Variants in RIC1 observed in about 807,000 individuals in gnomAD.
The protein encoded by RIC1 is guanine nucleotide exchange factor subunit RIC1.
In RIC1, 88 loss-of-function variants were observed where a neutral mutation model predicts 169.0. That is an observed-to-expected ratio of 0.52 (90% confidence interval 0.44 to 0.62). RIC1 has a LOEUF of 0.62. Ranked by LOEUF, RIC1 falls within the 20% of genes least tolerant of loss-of-function variation. The probability of loss-of-function intolerance (pLI) is 0.00; values close to 1 mark genes in which losing one functional copy is unlikely to be tolerated. For missense variants in RIC1, 1,877 were observed against 1,725.5 expected, an observed-to-expected ratio of 1.09 and a Z score of -1.56; for synonymous variants, 790 against 601.5, an observed-to-expected ratio of 1.31 and a Z score of -4.59.
At chr9:5,759,625 G>A (rs2131075223) in intron 17 of RIC1, among the ~76,000 whole-genome samples, 1 of 152,314 alleles carries the variant, frequency 6.6e-6, no homozygotes, top group East Asian at 1.9e-4. Context: ...TACTAATGGA[G>A]AGAGAAAGTA....
chr9:5,690,936 A>C (rs1821557492), intron 3 of RIC1, among the ~76,000 whole-genome samples: 1 of 151,930 alleles, frequency 6.6e-6, no homozygotes, highest in Non-Finnish European at 1.5e-5. Context: ...TAACCCAAAT[A>C]AAATAAACGT....
At chr9:5,640,027 A>G (rs201310296) in intron 1 of RIC1, among the ~76,000 whole-genome samples, 1 of 151,376 alleles carries the variant, frequency 6.6e-6, no homozygotes, top group East Asian at 1.9e-4. Context: ...CCATTCACCC[A>G]CTCTCTGTCT....
At chr9:5,704,122 A>G (rs1475929697) in intron 3 of RIC1, among the ~76,000 whole-genome samples, 3 of 152,146 alleles carry the variant, frequency 2.0e-5, no homozygotes, top group African/African-American at 7.2e-5. Context: ...TATTTCCCTA[A>G]TGATTAATGA....
At chr9:5,709,870 C>T (rs1189793994) in intron 3 of RIC1, among the ~76,000 whole-genome samples, 2 of 152,096 alleles carry the variant, frequency 1.3e-5, no homozygotes, top group East Asian at 1.9e-4. Context: ...TTAGAATTTA[C>T]TTAAATTTGC....
At chr9:5,658,837 A>T (rs1184342861) in intron 2 of RIC1, among the ~76,000 whole-genome samples, 1 of 143,876 alleles carries the variant, frequency 7.0e-6, no homozygotes, top group Non-Finnish European at 1.5e-5. Flanking sequence ...TTTTTTTTTT[A>T]CCGAGACTGA....
chr9:5,716,548 G>C (rs1408463565), intron 4 of RIC1, among the ~76,000 whole-genome samples: 1 of 152,204 alleles, frequency 6.6e-6, no homozygotes, highest in Non-Finnish European at 1.5e-5. Flanking sequence ...GGGAGGCAGA[G>C]GTTGCAGTGA....
intron 12 of RIC1, 49 bp downstream of exon 12, chr9:5,747,554 T>G: frequency 6.9e-7 from 1 of 1,456,584 alleles, no homozygotes; most frequent in Non-Finnish European, 9.6e-7. Flanking sequence ...TGATAGGATA[T>G]CACCTGGAAC....
At position 5,720,591 on chromosome 9, in the gene RIC1, C is replaced by T. The variant is rs201775822; in HGVS notation, c.584-23C>T. On this transcript the variant is annotated intron_variant, in intron 5 of 25. Coordinates refer to ENST00000414202, the MANE Select transcript of RIC1 (RefSeq NM_020829.4). ...ATTTATTATATTCTTAATCCTATTTCATGTGCTTATTTTTTTCATCAGTAG... is the reference window on the plus strand; with the variant it reads ...ATTTATTATATTCTTAATCCTATTTTATGTGCTTATTTTTTTCATCAGTAG... 42 of 1,569,194 alleles carry T rather than the reference C, an allele frequency of 2.7e-5. No homozygotes were observed. In the East Asian group the frequency reaches 8.9e-4, roughly 33 times the overall value.
intron 7 of RIC1, among the ~76,000 whole-genome samples, chr9:5,734,399 C>G (rs563515790): frequency 6.6e-6 from 1 of 151,942 alleles, no homozygotes; most frequent in South Asian, 2.1e-4. Flanking sequence ...CCACTGGGCC[C>G]GGCCCAGTTT....
chr9:5,733,613 C>A (rs1334327664), intron 7 of RIC1, among the ~76,000 whole-genome samples: 1 of 152,028 alleles, frequency 6.6e-6, no homozygotes, highest in Non-Finnish European at 1.5e-5. Context: ...TCATTACACT[C>A]TTAATAAACT....
intron 6 of RIC1, among the ~76,000 whole-genome samples, chr9:5,726,978 C>T (rs1207520360): frequency 9.2e-5 from 14 of 152,268 alleles, no homozygotes; most frequent in Non-Finnish European, 2.9e-5. Flanking sequence ...TCTCTGGCTG[C>T]CCTTAACATT....
At chr9:5,682,460 T>C (rs892775284) in intron 2 of RIC1, among the ~76,000 whole-genome samples, 2 of 152,222 alleles carry the variant, frequency 1.3e-5, no homozygotes, top group Non-Finnish European at 1.5e-5. Flanking sequence ...TGAAAATTCT[T>C]TTCTTTAAGA....
chr9:5,683,492 A>G (rs900207078), intron 2 of RIC1, among the ~76,000 whole-genome samples: 3 of 152,084 alleles, frequency 2.0e-5, no homozygotes, highest in South Asian at 2.1e-4. Context: ...CTGCTGCCTG[A>G]TCGTTGCTCT....
At chr9:5,756,473 C>G in intron 16 of RIC1, 101 bp downstream of exon 16, 1 of 767,332 alleles carries the variant, frequency 1.3e-6, no homozygotes, top group Non-Finnish European at 1.9e-6. Flanking sequence ...CTTTTATATT[C>G]AATCTTGTTT....
intron 1 of RIC1, among the ~76,000 whole-genome samples, chr9:5,644,047 A>G (rs1408344488): frequency 3.3e-5 from 5 of 150,632 alleles, no homozygotes; most frequent in East Asian, 4.0e-4. Flanking sequence ...ATTATTGTAG[A>G]TAATACTGTA....
intron 3 of RIC1, among the ~76,000 whole-genome samples, chr9:5,707,311 T>C (rs1822650888): frequency 1.3e-5 from 2 of 152,158 alleles, no homozygotes; most frequent in African/African-American, 2.4e-5. Flanking sequence ...CATTCTGTCT[T>C]GGAGAATGTT....
chr9:5,690,608 A>G (rs1350320169), intron 3 of RIC1, among the ~76,000 whole-genome samples: 1 of 151,594 alleles, frequency 6.6e-6, no homozygotes, highest in Non-Finnish European at 1.5e-5. Context: ...ATAAAAATAT[A>G]AGAGCATTTA....
chr9:5,770,746 T>C (rs750542897), intron 23 of RIC1, among the ~76,000 whole-genome samples: 5 of 152,248 alleles, frequency 3.3e-5, no homozygotes, highest in Non-Finnish European at 5.9e-5. Context: ...TCTCTTGCTA[T>C]ATAAGTTCCT....
intron 1 of RIC1, among the ~76,000 whole-genome samples, chr9:5,633,903 C>T (rs967489788): frequency 1.3e-5 from 2 of 152,098 alleles, no homozygotes; most frequent in African/African-American, 4.8e-5. Flanking sequence ...CCCATTTCAC[C>T]CACCTCCCAG....
Sources: gnomAD v4.1 joint callset for allele counts (sites outside exome capture counted in the v4.1 genomes callset) on GRCh38, gnomAD v4.1.1 for gene constraint, MANE v1.5 for transcripts, NCBI Gene and HGNC (gene_info 2026-07-23, HGNC 2026-07-21) for gene names.